The following BOLA3 variants were observed in gnomAD, a reference collection of about 807,000 sequenced individuals.
BOLA3 encodes bolA-like protein 3.
A neutral mutation model predicts 14.5 loss-of-function variants in BOLA3; 8 were observed. The ratio of observed to expected loss-of-function variants is 0.55; its 90% confidence interval spans 0.32 to 0.99. The LOEUF (loss-of-function observed/expected upper bound fraction) is 0.99. BOLA3 is among the 50% of genes least tolerant of loss of function. The pLI, the probability that BOLA3 is intolerant of heterozygous loss-of-function variation, is 0.04. For synonymous variants in BOLA3, 42 were observed against 45.7 expected, an observed-to-expected ratio of 0.92 and a Z score of 0.33; for missense variants, 115 against 138.2, an observed-to-expected ratio of 0.83 and a Z score of 0.84.
chr2:74,147,479 C>T, intron 1 of BOLA3: 1 of 343,406 alleles, frequency 2.9e-6, no homozygotes, highest in South Asian at 3.0e-5. Flanking sequence ...CACGCCTTGA[C>T]TCTGGGCTAT....
At chr2:74,145,099 C>T in intron 2 of BOLA3, 90 bp downstream of exon 2, 2 of 790,216 alleles carry the variant, frequency 2.5e-6, no homozygotes, top group Non-Finnish European at 4.6e-6. Flanking sequence ...TCACCAGCAG[C>T]AAGCCCCCTC....
At chr2:74,146,144 C>G (rs567399697) in intron 1 of BOLA3, 4 of 152,132 alleles carry the variant, frequency 2.6e-5, no homozygotes, top group African/African-American at 7.2e-5. Context: ...AGGCACCCAC[C>G]ACCACGCTCG....
In BOLA3 at chr2:74,138,758, G is replaced by A. The variant is rs557986544; in HGVS notation, c.259-3100C>T. Among the ~76,000 whole-genome samples, 15 of 152,278 alleles carry A rather than the reference G, an allele frequency of 9.9e-5. No homozygotes were observed. In the East Asian group the frequency reaches 1.9e-3, roughly 20 times the overall value. Reference sequence around the variant, plus strand: ...CAATCCCCTAAGCTGGAAAGAGGCCGGAGGCAGGGAGACGGCAACAGCTGT... The same window carrying A: ...CAATCCCCTAAGCTGGAAAGAGGCCAGAGGCAGGGAGACGGCAACAGCTGT... On this transcript the variant is annotated intron_variant, in intron 3 of 3. Transcript: ENST00000327428.
In BOLA3 at chr2:74,147,865, A is replaced by C; in HGVS notation, c.10T>G (p.Trp4Gly). Residue 4 changes from tryptophan (W) to glycine (G), a missense_variant, in exon 1 of 4, where the codon TGG becomes GGG. Trp to Gly is a radical substitution (Grantham distance 184). Coordinates refer to ENST00000327428, the MANE Select transcript of BOLA3 (RefSeq NM_212552.3). MAA[W>G]SPAAAAPLLR... The stretch of plus-strand genomic sequence containing the variant: ...AGAGGCGCTGCCGCGGCCGGGCTCC[A>C]TGCAGCCATGCCCGGCCGACGTGAC... 1.3e-6 allele frequency: 2 copies of C among 1,523,146 alleles called. No individual in the cohort carries two copies. The highest frequency in any genetic ancestry group is 2.4e-5 in the South Asian group (2 of 82,812). The allele number at this position is 1,523,146 out of a possible 1,614,324, so 94.4% of individuals were successfully genotyped here. A position where few individuals can be genotyped will look rare whatever the true frequency, so the allele number is the denominator to read the frequency against.
chr2:74,135,789 T>G, intron 3 of BOLA3, 131 bp from the exon 4 acceptor site: 2 of 746,474 alleles, frequency 2.7e-6, no homozygotes, highest in Non-Finnish European at 4.6e-6. Context: ...AATTTTTCCT[T>G]TTTTTGAAAA....
intron 3 of BOLA3, among the ~76,000 whole-genome samples, chr2:74,140,257 C>T (rs1325460920): frequency 6.6e-6 from 1 of 152,146 alleles, no homozygotes; most frequent in Non-Finnish European, 1.5e-5. Flanking sequence ...GCACTCCAGC[C>T]TGGGTGACAG....
intron 3 of BOLA3, among the ~76,000 whole-genome samples, chr2:74,136,395 T>C (rs1692329887): frequency 6.6e-6 from 1 of 152,242 alleles, no homozygotes; most frequent in Non-Finnish European, 1.5e-5. Context: ...CCACGGCCCA[T>C]GACAGCTTTG....
intron 3 of BOLA3, among the ~76,000 whole-genome samples, chr2:74,136,164 G>A (rs1320137596): frequency 2.0e-5 from 3 of 151,974 alleles, no homozygotes; most frequent in Non-Finnish European, 2.9e-5. Context: ...TGCCTAGGCT[G>A]GTCTTGAACT....
At chr2:74,146,782 T>C (rs981277451) in intron 1 of BOLA3, 6 of 152,382 alleles carry the variant, frequency 3.9e-5, no homozygotes, top group Non-Finnish European at 7.3e-5. Flanking sequence ...ACTGGTCTTA[T>C]AGGCCAGGAA....
intron 1 of BOLA3, chr2:74,147,582 C>T: frequency 1.7e-6 from 1 of 571,678 alleles, no homozygotes; most frequent in Non-Finnish European, 3.1e-6. Flanking sequence ...TGACCTCCAA[C>T]CTCCACCCAG....
chr2:74,147,657 G>T, intron 1 of BOLA3, 164 bp downstream of exon 1: 1 of 716,514 alleles, frequency 1.4e-6, no homozygotes, highest in Non-Finnish European at 2.4e-6. Flanking sequence ...CTGAGTGAAT[G>T]AATGAATGAA....
At chr2:74,139,005 A>T (rs2103643243) in intron 3 of BOLA3, among the ~76,000 whole-genome samples, 1 of 152,274 alleles carries the variant, frequency 6.6e-6, no homozygotes, top group Non-Finnish European at 1.5e-5. Flanking sequence ...CTCAACATCT[A>T]GGCCTCCTAG....
Position 74,147,838 on chromosome 2 carries a change from G to A in BOLA3, c.37C>T (p.Leu13Phe). 6.6e-7 allele frequency: 1 copy of A among 1,526,660 alleles called. No homozygotes were observed. The highest frequency in any genetic ancestry group is 8.7e-7 in the Non-Finnish European group (1 of 1,143,796). 94.6% of individuals were successfully genotyped at this position (1,526,660 alleles called of 1,614,324 possible). Residue 13 changes from leucine (L) to phenylalanine (F), a missense_variant, in exon 1 of 4, where the codon CTC becomes TTC. Leu to Phe is a conservative substitution (Grantham distance 22, BLOSUM62 0). Transcript: ENST00000327428. Reference sequence around the variant, plus strand: ...ACGCTCACCCCGCGGATCCCGCGGAGGAGAGGCGCTGCCGCGGCCGGGCTC... The same window carrying A: ...ACGCTCACCCCGCGGATCCCGCGGAAGAGAGGCGCTGCCGCGGCCGGGCTC... ...AWSPAAAAPL[L>F]RGIRGLPLHH...
intron 3 of BOLA3, among the ~76,000 whole-genome samples, chr2:74,140,392 C>T (rs1271719951): frequency 1.3e-5 from 2 of 152,176 alleles, no homozygotes; most frequent in African/African-American, 2.4e-5. Context: ...CATGGGTAAG[C>T]CAATAAGAAA....
chr2:74,144,443 A>G (rs1348804979), intron 2 of BOLA3, among the ~76,000 whole-genome samples: 1 of 152,238 alleles, frequency 6.6e-6, no homozygotes, highest in Non-Finnish European at 1.5e-5. Flanking sequence ...TGAGTGGCAA[A>G]GGCTGCCTCT....
At chr2:74,139,640 C>G (rs1692400529) in intron 3 of BOLA3, among the ~76,000 whole-genome samples, 1 of 152,196 alleles carries the variant, frequency 6.6e-6, no homozygotes, top group Non-Finnish European at 1.5e-5. Context: ...CCAACATCTC[C>G]AGACTTAAAT....
intron 1 of BOLA3, chr2:74,145,641 G>A (rs1412000897): frequency 5.6e-6 from 2 of 357,444 alleles, no homozygotes; most frequent in African/African-American, 2.1e-5. Context: ...AGGAAACTGA[G>A]GCACACAGTA....
intron 2 of BOLA3, among the ~76,000 whole-genome samples, chr2:74,143,162 C>CT (rs11420248): frequency 0.33 from 49,131 of 149,084 alleles, 8,882 homozygotes; most frequent in Middle Eastern, 0.45. Flanking sequence ...TGCTCTGCTT[C>CT]TTTTTTTTTT....
intron 3 of BOLA3, among the ~76,000 whole-genome samples, chr2:74,136,715 C>T (rs979359424): frequency 6.6e-6 from 1 of 152,190 alleles, no homozygotes; most frequent in Non-Finnish European, 1.5e-5. Context: ...TGTCCCCTAG[C>T]GAACTTTTAG....
Sources: gnomAD v4.1 joint callset for allele counts (sites outside exome capture counted in the v4.1 genomes callset) on GRCh38, gnomAD v4.1.1 for gene constraint, MANE v1.5 for transcripts, NCBI Gene and HGNC (gene_info 2026-07-23, HGNC 2026-07-21) for gene names.